TNFRSF1B: variants seen among roughly 807,000 people sequenced by gnomAD.
The protein encoded by TNFRSF1B is TNF receptor superfamily member 1B, also known as tumor necrosis factor receptor superfamily member 1B.
A neutral mutation model predicts 44.6 loss-of-function variants in TNFRSF1B; 19 were observed. The ratio of observed to expected loss-of-function variants is 0.43; its 90% CI spans 0.30 to 0.62. The LOEUF is 0.62. Ranked by LOEUF, TNFRSF1B falls within the 20% of genes least tolerant of loss-of-function variation. TNFRSF1B has a pLI of 0.16. For missense variants in TNFRSF1B, 541 were observed against 619.9 expected, an observed-to-expected ratio of 0.87 and a Z score of 1.35; for synonymous variants, 252 against 261.1, an observed-to-expected ratio of 0.97 and a Z score of 0.34.
chr1:12,181,230 T>A (rs1638797005), intron 1 of TNFRSF1B, among the ~76,000 whole-genome samples: 1 of 152,194 alleles, frequency 6.6e-6, no homozygotes. Context: ...GCCGGGCAGT[T>A]CGCTGCCCTG....
rs375948624 is a variant in TNFRSF1B, at chr1:12,193,044, A to G, written c.733A>G (p.Met245Val). 8.6e-5 allele frequency: 139 copies of G among 1,614,202 alleles called. 1 individual carries two copies. In the Admixed American group the frequency reaches 8.7e-4, roughly 10 times the overall value. Residue 245 changes from methionine to valine, a missense_variant, in exon 6 of 10, where the codon ATG becomes GTG. Physicochemically the swap from Met to Val is conservative, Grantham distance 21 (BLOSUM62 1). Transcript: ENST00000376259. ...TAPSTSFLLPMGPSPPAEGST... is the reference protein window; with the variant it reads ...TAPSTSFLLPVGPSPPAEGST... ...TCCAAGCACCTCCTTCCTGCTCCCA[A>G]TGGGCCCCAGCCCCCCAGCTGAAGG...
intron 9 of TNFRSF1B, among the ~76,000 whole-genome samples, chr1:12,204,293 G>A (rs1047776292): frequency 5.9e-5 from 9 of 152,104 alleles, no homozygotes; most frequent in African/African-American, 1.9e-4. Flanking sequence ...TCTCATGCTC[G>A]ATATACAAAG....
rs537232312 is a variant in TNFRSF1B, at chr1:12,177,178, A to AT, written c.78+10017dup. ...CCACCACGCCTGGCTAATTTTTTGT[A>AT]TTTTTTTTAGTAGAGATGGTGTTTC... On this transcript the variant is annotated intron_variant, in intron 1 of 9. Transcript: ENST00000376259. The surrounding 1 kb of genome is among the most constrained non-coding windows in gnomAD (Gnocchi z 4.3). 8.7e-4 allele frequency among the ~76,000 whole-genome samples: 132 copies of AT among 151,468 alleles called. 1 individual carries two copies. The highest frequency in any genetic ancestry group is 3.0e-3 in the African/African-American group (125 of 41,272).
chr1:12,174,122 T>TTTCTTC (rs541359943), intron 1 of TNFRSF1B, among the ~76,000 whole-genome samples: 1,848 of 66,746 alleles, frequency 0.028, 151 homozygotes, highest in East Asian at 0.077. Flanking sequence ...TGAGACTCCA[T>TTTCTTC]TTCTTCTTCT....
Position 12,198,036 on chromosome 1 carries a change from A to G in TNFRSF1B, c.900+3418A>G, listed in dbSNP as rs964982432. Among the ~76,000 whole-genome samples, 13 of 150,442 alleles carry G rather than the reference A, an allele frequency of 8.6e-5. No homozygotes were observed. In the East Asian group the frequency reaches 2.6e-3, roughly 30 times the overall value. ...GCTACTCCGGAGGCTGAGGCAGAAT[A>G]GCGTGAACCCGGGAGGTGGAGCTTG... is the stretch of plus-strand genomic sequence containing the variant. On this transcript the variant is annotated intron_variant, in intron 8 of 9. Coordinates refer to ENST00000376259, the MANE Select transcript of TNFRSF1B (RefSeq NM_001066.3).
chr1:12,167,120 TG>T lies in TNFRSF1B; in HGVS notation c.31del (p.Ala11ProfsTer84). The T allele has an allele frequency of 7.4e-7, 1 of 1,353,110 alleles. No individual in the cohort carries two copies. The highest frequency in any genetic ancestry group is 9.5e-7 in the Non-Finnish European group (1 of 1,048,068). The allele number at this position is 1,353,110 out of a possible 1,614,324, so 83.8% of individuals were successfully genotyped here. Reference sequence around the variant, plus strand: ...GCGCCCGTCGCCGTCTGGGCCGCGCTGGCCGTCGGACTGGAGCTCTGGGCTG... The same window carrying T: ...GCGCCCGTCGCCGTCTGGGCCGCGCTGCCGTCGGACTGGAGCTCTGGGCTG... Reference protein sequence around the residue: MAPVAVWAALAVGLELWAAA... With the variant: MAPVAVWAAXAVGLELWAAA... On this transcript the variant is annotated frameshift_variant, in exon 1 of 10. Transcript: ENST00000376259. LOFTEE classifies it high-confidence loss of function.
chr1:12,194,184 G>C, intron 7 of TNFRSF1B, 152 bp downstream of exon 7: 1 of 660,846 alleles, frequency 1.5e-6, no homozygotes, highest in Non-Finnish European at 2.7e-6. Flanking sequence ...CTGGGGTGAA[G>C]GTACCTCTGC....
rs1021356859 is a variant in TNFRSF1B, at chr1:12,177,781, G to T, written c.78+10612G>T. On this transcript the variant is annotated intron_variant, in intron 1 of 9. Coordinates refer to ENST00000376259, the MANE Select transcript of TNFRSF1B (RefSeq NM_001066.3). The surrounding 1 kb of genome is among the most constrained non-coding windows in gnomAD (Gnocchi z 4.3). ...TGCACTCCAGCCTGGGTGACAGGGT[G>T]AGATTCTGTCTCCAAAAAAAAAAAA... Among the ~76,000 whole-genome samples the T allele has an allele frequency of 1.3e-4, 20 of 148,512 alleles. No individual in the cohort carries two copies. Among genetic ancestry groups the T allele is most frequent in the African/African-American group, 5.0e-4 (20 of 40,078 alleles).
intron 9 of TNFRSF1B, among the ~76,000 whole-genome samples, chr1:12,206,359 C>CAA (rs35664314): frequency 1.6e-4 from 13 of 80,628 alleles, no homozygotes; most frequent in Non-Finnish European, 2.7e-4. Flanking sequence ...GACCCTGTCT[C>CAA]AAAAAAAAAA....
rs1639350943 is a variant in TNFRSF1B at position 12,199,939 on chromosome 1, G to A, written c.901-2028G>A. 6.6e-6 allele frequency among the ~76,000 whole-genome samples: 1 copy of A among 152,222 alleles called. No homozygotes were observed. The highest frequency in any genetic ancestry group is 2.1e-4 in the South Asian group (1 of 4,830). The stretch of plus-strand genomic sequence containing the variant: ...TCGCTTAGAATTCCAAGGCAAGGGT[G>A]TGAGCGCCTGGCCAGCCAGTGGGAA... On this transcript the variant is annotated intron_variant, in intron 8 of 9. Transcript: ENST00000376259. The surrounding 1 kb of genome is among the most constrained non-coding windows in gnomAD (Gnocchi z 4.0).
In TNFRSF1B at chr1:12,199,771, G is replaced by A. The variant is rs979181402; in HGVS notation, c.901-2196G>A. 1.3e-5 allele frequency among the ~76,000 whole-genome samples: 2 copies of A among 152,172 alleles called. No individual in the cohort carries two copies. The highest frequency in any genetic ancestry group is 2.9e-5 in the Non-Finnish European group (2 of 68,034). ...TCTCACCTCCCGCTGCAGTGCTGGC[G>A]AGCCCCATCAGCCCTTCACTCATCT... On this transcript the variant is annotated intron_variant, in intron 8 of 9. Coordinates refer to ENST00000376259, the MANE Select transcript of TNFRSF1B (RefSeq NM_001066.3). This position sits in a 1 kb window ranked among gnomAD's most constrained non-coding sequence, Gnocchi z 4.0.
intron 1 of TNFRSF1B, among the ~76,000 whole-genome samples, chr1:12,183,736 T>TCTAG (rs1557629186): frequency 3.2e-5 from 4 of 126,554 alleles, no homozygotes; most frequent in Non-Finnish European, 5.4e-5. Flanking sequence ...TATCTATCTA[T>TCTAG]CTATCTATCT....
chr1:12,198,691 G>GTTTTTTTGTTTT (rs1639322731), intron 8 of TNFRSF1B, among the ~76,000 whole-genome samples: 1 of 85,652 alleles, frequency 1.2e-5, no homozygotes, highest in Non-Finnish European at 2.2e-5. Flanking sequence ...CTGGAATTCT[G>GTTTTTTTGTTTT]TTTTTTTTTT....
intron 1 of TNFRSF1B, among the ~76,000 whole-genome samples, chr1:12,181,388 A>C (rs1462777603): frequency 6.6e-6 from 1 of 152,126 alleles, no homozygotes; most frequent in East Asian, 1.9e-4. Flanking sequence ...GGAGAAGATG[A>C]TGAACCCAAG....
chr1:12,168,953 C>G lies in TNFRSF1B; in HGVS notation c.78+1784C>G, dbSNP rs17884595. ...AGAGTAAGGTACCTGAACTCTTCCTCGCGCCTCCCTGCACATGTGCTCCCC... is the reference window on the plus strand; with the variant it reads ...AGAGTAAGGTACCTGAACTCTTCCTGGCGCCTCCCTGCACATGTGCTCCCC... On this transcript the variant is annotated intron_variant, in intron 1 of 9. Transcript: ENST00000376259. This position sits in a 1 kb window ranked among gnomAD's most constrained non-coding sequence, Gnocchi z 4.7. 6.6e-6 allele frequency among the ~76,000 whole-genome samples: 1 copy of G among 151,832 alleles called. No individual in the cohort carries two copies. Among genetic ancestry groups the G allele is most frequent in the Non-Finnish European group, 1.5e-5 (1 of 68,010 alleles).
intron 1 of TNFRSF1B, among the ~76,000 whole-genome samples, chr1:12,185,515 C>T (rs562760378): frequency 2.2e-4 from 34 of 152,144 alleles, no homozygotes; most frequent in African/African-American, 7.9e-4. Context: ...AGCAGCAAAC[C>T]GGGGAGGGGA....
chr1:12,193,092 C>G lies in TNFRSF1B; in HGVS notation c.781C>G (p.Pro261Ala), dbSNP rs1385000174. Residue 261 changes from proline to alanine, a missense_variant, in exon 6 of 10, where the codon CCA becomes GCA. Coordinates refer to ENST00000376259, the MANE Select transcript of TNFRSF1B (RefSeq NM_001066.3). ...AEGSTGDFAL[P>A]VGLIVGVTAL... ...AGGGAGCACTGGCGACTTCGCTCTT[C>G]CAGTTGGTAAGTCGCAAGAAGTCTC... is the stretch of plus-strand genomic sequence containing the variant. 6.2e-7 allele frequency: 1 copy of G among 1,612,806 alleles called. No individual in the cohort carries two copies. The highest frequency in any genetic ancestry group is 8.5e-7 in the Non-Finnish European group (1 of 1,179,166).
At chr1:12,183,686 ATCTATC>A (rs1638876870) in intron 1 of TNFRSF1B, among the ~76,000 whole-genome samples, 1 of 118,874 alleles carries the variant, frequency 8.4e-6, no homozygotes, top group Non-Finnish European at 2.0e-5. Context: ...CTATCTATCT[ATCTATC>A]TATCTATCTA....
At chr1:12,202,268 G>A (rs1192913160) in intron 9 of TNFRSF1B, 97 bp downstream of exon 9, 15 of 1,479,284 alleles carry the variant, frequency 1.0e-5, no homozygotes, top group Non-Finnish European at 1.3e-5. Flanking sequence ...CTCCCCGCAG[G>A]GTGGGACGAG....
Sources: gnomAD v4.1 joint callset for allele counts (sites outside exome capture counted in the v4.1 genomes callset) on GRCh38, gnomAD v4.1.1 for gene constraint, Gnocchi (gnomAD v3.1) non-coding constraint, MANE v1.5 for transcripts, NCBI Gene and HGNC (gene_info 2026-07-23, HGNC 2026-07-21) for gene names.